Variants in NBEA observed in about 807,000 individuals in gnomAD.
NBEA encodes the protein neurobeachin.
A neutral mutation model predicts 343.4 loss-of-function variants in NBEA; 44 were observed. That is an observed-to-expected ratio of 0.13 (90% CI 0.10 to 0.16). NBEA has a LOEUF of 0.16. Ranked by LOEUF, NBEA falls within the 10% of genes least tolerant of loss-of-function variation. The pLI is 1.00. For synonymous variants in NBEA, 1,175 were observed against 1,238.7 expected, an observed-to-expected ratio of 0.95 and a Z score of 1.08; for missense variants, 2,555 against 3,631.3, an observed-to-expected ratio of 0.70 and a Z score of 7.62.
At chr13:35,625,245 G>A (rs569124199) in intron 48 of NBEA, among the ~76,000 whole-genome samples, 3 of 152,228 alleles carry the variant, frequency 2.0e-5, no homozygotes, top group South Asian at 2.1e-4. Context: ...CAAAGAACAT[G>A]GATAAAGTTA....
intron 41 of NBEA, among the ~76,000 whole-genome samples, chr13:35,537,444 A>G (rs1489542444): frequency 1.3e-5 from 2 of 151,770 alleles, no homozygotes; most frequent in Non-Finnish European, 2.9e-5. Flanking sequence ...GTGCTAAGTA[A>G]TAGAGATACA....
At chr13:35,559,737 A>G (rs1383768715) in intron 44 of NBEA, among the ~76,000 whole-genome samples, 1 of 152,016 alleles carries the variant, frequency 6.6e-6, no homozygotes, top group East Asian at 1.9e-4. Context: ...AACACGGTGA[A>G]ACCCCGTCTC....
intron 48 of NBEA, among the ~76,000 whole-genome samples, chr13:35,608,222 A>G (rs1357426172): frequency 6.6e-6 from 1 of 152,096 alleles, no homozygotes; most frequent in Admixed American, 6.6e-5. Flanking sequence ...CATGTTTTGC[A>G]TAAGTCTTAT....
intron 38 of NBEA, among the ~76,000 whole-genome samples, chr13:35,431,237 A>C (rs2045090944): frequency 6.6e-6 from 1 of 152,132 alleles, no homozygotes; most frequent in Admixed American, 6.6e-5. Flanking sequence ...ATCAGACTTA[A>C]AGTGTTCTTC....
At chr13:35,449,883 A>G (rs1313384480) in intron 39 of NBEA, among the ~76,000 whole-genome samples, 4 of 152,142 alleles carry the variant, frequency 2.6e-5, no homozygotes, top group African/African-American at 7.2e-5. Flanking sequence ...CTAACAATCT[A>G]TTTATACATT....
At chr13:35,018,840 T>C (rs2061738728) in intron 1 of NBEA, among the ~76,000 whole-genome samples, 1 of 152,202 alleles carries the variant, frequency 6.6e-6, no homozygotes, top group African/African-American at 2.4e-5. Context: ...GTGGAAACCA[T>C]GCAGTCATTC....
At chr13:34,955,205 T>C (rs1197534067) in intron 1 of NBEA, among the ~76,000 whole-genome samples, 1 of 152,028 alleles carries the variant, frequency 6.6e-6, no homozygotes, top group Non-Finnish European at 1.5e-5. Context: ...ATAACTTTCA[T>C]ATGGAAACTT....
At chr13:35,482,881 C>T (rs2076173393) in intron 41 of NBEA, among the ~76,000 whole-genome samples, 1 of 151,704 alleles carries the variant, frequency 6.6e-6, no homozygotes, top group South Asian at 2.1e-4. Flanking sequence ...AAAAATGTTT[C>T]TTCATGCCCT....
At position 35,346,272 on chromosome 13, in the gene NBEA, A is replaced by G. The variant is rs575345991; in HGVS notation, c.5904-2836A>G. 2.6e-5 allele frequency among the ~76,000 whole-genome samples: 4 copies of G among 152,248 alleles called. No homozygotes were observed. In the East Asian group the frequency reaches 7.7e-4, roughly 29 times the overall value. On this transcript the variant is annotated intron_variant, in intron 36 of 58. Transcript: ENST00000379939. The stretch of plus-strand genomic sequence containing the variant: ...TTTTGTAATTTGCACTAATTTGCAC[A>G]TATTAGATTTCTTCCTGGCTTTCTT...
At chr13:35,145,557 T>G (rs2068368472) in intron 18 of NBEA, among the ~76,000 whole-genome samples, 1 of 152,170 alleles carries the variant, frequency 6.6e-6, no homozygotes, top group South Asian at 2.1e-4. Context: ...TTAATTCTCT[T>G]GCCAAGGCAT....
intron 44 of NBEA, among the ~76,000 whole-genome samples, chr13:35,564,078 C>G (rs1279702078): frequency 6.6e-6 from 1 of 151,908 alleles, no homozygotes; most frequent in Non-Finnish European, 1.5e-5. Flanking sequence ...CTTAGAAAAT[C>G]ATTTCTATTA....
intron 35 of NBEA, among the ~76,000 whole-genome samples, chr13:35,300,153 A>C (rs1278681869): frequency 2.0e-5 from 3 of 152,082 alleles, no homozygotes; most frequent in Non-Finnish European, 4.4e-5. Flanking sequence ...AGTAATATGC[A>C]CTTAAGAAGT....
chr13:35,068,449 C>T (rs894475644), intron 8 of NBEA, among the ~76,000 whole-genome samples: 16 of 152,074 alleles, frequency 1.1e-4, no homozygotes, highest in African/African-American at 3.4e-4. Context: ...ATTGCAGACA[C>T]GGAAAGCTGA....
At chr13:35,344,252 A>G (rs943199068) in intron 36 of NBEA, among the ~76,000 whole-genome samples, 1 of 152,144 alleles carries the variant, frequency 6.6e-6, no homozygotes, top group Non-Finnish European at 1.5e-5. Context: ...TGTAGAATGT[A>G]AGGAAAATGA....
At chr13:35,357,447 C>T (rs973570427) in intron 38 of NBEA, among the ~76,000 whole-genome samples, 1 of 152,004 alleles carries the variant, frequency 6.6e-6, no homozygotes, top group Non-Finnish European at 1.5e-5. Context: ...TCTCCCTCCT[C>T]CTACCCTCCA....
chr13:35,358,372 C>G (rs894266718), intron 38 of NBEA, among the ~76,000 whole-genome samples: 2 of 152,030 alleles, frequency 1.3e-5, no homozygotes, highest in African/African-American at 4.8e-5. Flanking sequence ...GATATACTTT[C>G]TCCCCAACTG....
At chr13:35,192,238 A>C (rs906894863) in intron 30 of NBEA, among the ~76,000 whole-genome samples, 2 of 152,038 alleles carry the variant, frequency 1.3e-5, no homozygotes, top group African/African-American at 4.8e-5. Flanking sequence ...TCCTCAAAGT[A>C]CTTTAGTGTC....
intron 39 of NBEA, among the ~76,000 whole-genome samples, chr13:35,435,051 G>A (rs574931234): frequency 2.6e-4 from 39 of 152,198 alleles, no homozygotes; most frequent in African/African-American, 7.5e-4. Flanking sequence ...TTGTTGTGAC[G>A]GAATTTCACT....
chr13:35,228,533 C>G (rs1023545512), intron 33 of NBEA, among the ~76,000 whole-genome samples: 1 of 152,058 alleles, frequency 6.6e-6, no homozygotes, highest in Non-Finnish European at 1.5e-5. Context: ...CTCCCACCTT[C>G]CACCCTCCAG....
Sources: allele counts gnomAD v4.1 joint callset (sites outside exome capture counted in the v4.1 genomes callset), GRCh38; gene constraint gnomAD v4.1.1; transcripts MANE v1.5; gene names NCBI Gene and HGNC (gene_info 2026-07-23, HGNC 2026-07-21).